The following CCDC88A variants were observed in gnomAD, a reference collection of about 807,000 sequenced individuals.
The protein encoded by CCDC88A is girdin.
A neutral mutation model predicts 234.3 loss-of-function variants in CCDC88A; 54 were observed. The ratio of observed to expected loss-of-function variants is 0.23; its 90% CI spans 0.19 to 0.29. The LOEUF (loss-of-function observed/expected upper bound fraction) is 0.29, where lower values mean the gene tolerates loss of function less well. Ranked by LOEUF, CCDC88A falls within the 10% of genes least tolerant of loss-of-function variation. The probability of loss-of-function intolerance (pLI) is 1.00; values close to 1 mark genes in which losing one functional copy is unlikely to be tolerated. For missense variants in CCDC88A, 1,832 were observed against 2,123.4 expected (o/e 0.86, Z 2.70); for synonymous variants, 753 against 737.8 (o/e 1.02, Z -0.33).
intron 2 of CCDC88A, among the ~76,000 whole-genome samples, chr2:55,400,058 ACT>A (rs2104938753): frequency 6.6e-6 from 1 of 152,286 alleles, no homozygotes; most frequent in African/African-American, 2.4e-5. Context: ...ATTAAGTATG[ACT>A]CACAGAATTC....
chr2:55,376,767 A>C (rs1340757125), intron 3 of CCDC88A, among the ~76,000 whole-genome samples: 1 of 152,214 alleles, frequency 6.6e-6, no homozygotes, highest in Non-Finnish European at 1.5e-5. Flanking sequence ...AAGTTATCTC[A>C]AGAGAGAATA....
chr2:55,399,272 G>C (rs1405108707), intron 2 of CCDC88A, among the ~76,000 whole-genome samples: 1 of 152,048 alleles, frequency 6.6e-6, no homozygotes, highest in African/African-American at 2.4e-5. Flanking sequence ...GCCAGGCACA[G>C]AGGCTCATGC....
chr2:55,342,350 T>C (rs966666535), intron 12 of CCDC88A, among the ~76,000 whole-genome samples: 1 of 152,130 alleles, frequency 6.6e-6, no homozygotes, highest in African/African-American at 2.4e-5. Context: ...CTAAGATCAA[T>C]TACAAAACAA....
intron 2 of CCDC88A, among the ~76,000 whole-genome samples, chr2:55,400,103 C>A (rs899702312): frequency 6.6e-6 from 1 of 152,090 alleles, no homozygotes; most frequent in African/African-American, 2.4e-5. Flanking sequence ...TTAAATATTC[C>A]AAATATTCTG....
intron 3 of CCDC88A, 41 bp downstream of exon 3, chr2:55,388,737 A>G: frequency 1.3e-6 from 1 of 754,038 alleles, no homozygotes; most frequent in Non-Finnish European, 2.3e-6. Context: ...CAAAAATGTA[A>G]GTAGTTATTA....
intron 31 of CCDC88A, chr2:55,295,371 A>C (rs1415119602): frequency 6.5e-7 from 1 of 1,537,530 alleles, no homozygotes; most frequent in East Asian, 2.5e-5. Context: ...GGCCACAGTA[A>C]ATGGTCCTAT....
chr2:55,294,546 CAA>C (rs753936234), intron 31 of CCDC88A: 7 of 980,644 alleles, frequency 7.1e-6, no homozygotes, highest in Non-Finnish European at 8.5e-6. Flanking sequence ...CAAAAGAAAA[CAA>C]CATCTTTTTA....
chr2:55,302,473 C>T (rs1015561987), intron 26 of CCDC88A, among the ~76,000 whole-genome samples: 5 of 152,056 alleles, frequency 3.3e-5, no homozygotes, highest in Non-Finnish European at 7.4e-5. Flanking sequence ...AAATGAAAGT[C>T]CTTGGTCAGA....
chr2:55,388,050 C>T (rs532135306), intron 3 of CCDC88A, among the ~76,000 whole-genome samples: 1 of 152,240 alleles, frequency 6.6e-6, no homozygotes, highest in African/African-American at 2.4e-5. Context: ...CAAGGTTGCT[C>T]TCACTCTGCG....
intron 3 of CCDC88A, among the ~76,000 whole-genome samples, chr2:55,386,443 TTATTTTTTGTAGATTG>T (rs1403928065): frequency 2.0e-5 from 3 of 147,462 alleles, no homozygotes; most frequent in Non-Finnish European, 4.5e-5. Context: ...CTTTTTTATT[TTATTTTTTGTAGATTG>T]TATTTTATTT....
In CCDC88A at chr2:55,309,309, A is replaced by T; in HGVS notation, c.4080-55T>A. ...GGCATCATATTTTGTACAGCTATGA[A>T]TATTAAATTATTTGGTGACTGTGAT... On this transcript the variant is annotated intron_variant, in intron 23 of 32. Coordinates refer to ENST00000436346, the MANE Select transcript of CCDC88A (RefSeq NM_001365480.1). The surrounding 1 kb of genome is among the most constrained non-coding windows in gnomAD (Gnocchi z 5.1). The T allele has an allele frequency of 2.5e-6, 2 of 787,322 alleles. No individual in the cohort carries two copies. Among genetic ancestry groups the T allele is most frequent in the South Asian group, 3.3e-5 (2 of 59,754 alleles). The allele number at this position is 787,322 out of a possible 1,614,324, so 48.8% of individuals were successfully genotyped here.
At chr2:55,321,508 G>A (rs527350618) in intron 18 of CCDC88A, among the ~76,000 whole-genome samples, 85 of 151,956 alleles carry the variant, frequency 5.6e-4, no homozygotes, top group Non-Finnish European at 1.1e-3. Context: ...CCGAGATCAC[G>A]CCACTGCATT....
chr2:55,332,813 C>G lies in CCDC88A; in HGVS notation c.2728-120G>C. On this transcript the variant is annotated intron_variant, in intron 15 of 32. Transcript: ENST00000436346. The surrounding 1 kb of genome is among the most constrained non-coding windows in gnomAD (Gnocchi z 4.5). ...ACATGTAATTTGAACCAGGAAATGT[C>G]ATTAAACCATTCCTTCATTATTAAA... The G allele has an allele frequency of 1.2e-6, 1 of 800,520 alleles. No homozygotes were observed. 49.6% of individuals were successfully genotyped at this position (800,520 alleles called of 1,614,324 possible).
At chr2:55,352,116 T>C (rs563240319) in intron 8 of CCDC88A, among the ~76,000 whole-genome samples, 5 of 152,110 alleles carry the variant, frequency 3.3e-5, no homozygotes, top group African/African-American at 7.2e-5. Context: ...GGGTTTCTTT[T>C]TGTGGTGATG....
intron 2 of CCDC88A, among the ~76,000 whole-genome samples, chr2:55,410,306 G>A (rs1165016213): frequency 1.3e-5 from 2 of 152,184 alleles, no homozygotes; most frequent in Non-Finnish European, 1.5e-5. Context: ...AGCCAGAGAT[G>A]ACGGGAGGAG....
At chr2:55,411,505 G>C (rs1458866547) in intron 2 of CCDC88A, among the ~76,000 whole-genome samples, 2 of 152,030 alleles carry the variant, frequency 1.3e-5, no homozygotes, top group Non-Finnish European at 2.9e-5. Context: ...CAGGCACGGT[G>C]GCTCATGCCT....
intron 3 of CCDC88A, among the ~76,000 whole-genome samples, chr2:55,376,675 G>C (rs1054766410): frequency 6.6e-6 from 1 of 152,144 alleles, no homozygotes; most frequent in African/African-American, 2.4e-5. Flanking sequence ...GTTAGAATAA[G>C]CATCGAAAAT....
rs1335826923 is a variant in CCDC88A, at chr2:55,372,500, T to C, written c.354A>G (p.Thr118=). ...GTAAAAGCAGTTTTTTAACTTCTTC[T>C]GTGCCTTGTTCTAAAATAGAAACAA... is the stretch of plus-strand genomic sequence containing the variant. ...IGKNPFSEQG[T]EEVKKLLLLL... Residue 118 remains threonine (T), a synonymous_variant, in exon 5 of 33, where the codon ACA becomes ACG. Coordinates refer to ENST00000436346, the MANE Select transcript of CCDC88A (RefSeq NM_001365480.1). 1 of 1,495,722 alleles carries C rather than the reference T, an allele frequency of 6.7e-7. No homozygotes were observed. The highest frequency in any genetic ancestry group is 9.3e-7 in the Non-Finnish European group (1 of 1,077,288). The allele number at this position is 1,495,722 out of a possible 1,614,324, so 92.7% of individuals were successfully genotyped here. A position where few individuals can be genotyped will look rare whatever the true frequency, so the allele number is the denominator to read the frequency against.
At chr2:55,346,475 A>C in intron 9 of CCDC88A, 142 bp from the exon 10 acceptor site, 1 of 424,338 alleles carries the variant, frequency 2.4e-6, no homozygotes, top group South Asian at 3.7e-5. Context: ...GCTGGAGTGC[A>C]ATGGTGCAAT....
Sources: gnomAD v4.1 joint callset for allele counts (sites outside exome capture counted in the v4.1 genomes callset) on GRCh38, gnomAD v4.1.1 for gene constraint, Gnocchi (gnomAD v3.1) non-coding constraint, MANE v1.5 for transcripts, NCBI Gene and HGNC (gene_info 2026-07-23, HGNC 2026-07-21) for gene names.